The following SLC9A2 variants were observed in gnomAD, a reference collection of about 807,000 sequenced individuals.
SLC9A2 encodes solute carrier family 9 member A2.
In SLC9A2, 42 loss-of-function variants were observed where a neutral mutation model predicts 71.7. That is an observed-to-expected ratio of 0.59 (90% CI 0.46 to 0.76). The LOEUF is 0.76. SLC9A2 is among the 30% of genes least tolerant of loss of function. SLC9A2 has a pLI of 0.00. For missense variants in SLC9A2, 829 were observed against 1,017.4 expected, an observed-to-expected ratio of 0.81 and a Z score of 2.52; for synonymous variants, 396 against 392.5, an observed-to-expected ratio of 1.01 and a Z score of -0.10.
At chr2:102,636,542 C>T (rs2104504818) in intron 1 of SLC9A2, among the ~76,000 whole-genome samples, 1 of 152,250 alleles carries the variant, frequency 6.6e-6, no homozygotes, top group South Asian at 2.1e-4. Flanking sequence ...AATATGGTTC[C>T]CACACAAGGC....
intron 1 of SLC9A2, among the ~76,000 whole-genome samples, chr2:102,643,192 A>G (rs1464295987): frequency 1.3e-5 from 2 of 151,994 alleles, no homozygotes; most frequent in Non-Finnish European, 2.9e-5. Context: ...TGCGTTCTTT[A>G]CGTCGTCCTT....
At chr2:102,680,935 A>C (rs1221307256) in intron 3 of SLC9A2, among the ~76,000 whole-genome samples, 2 of 152,172 alleles carry the variant, frequency 1.3e-5, no homozygotes, top group African/African-American at 2.4e-5. Flanking sequence ...TAGAAACTAG[A>C]GAAGGCAGGG....
rs765314582 is a variant in SLC9A2, at chr2:102,694,429, C to T, written c.1441C>T (p.Pro481Ser). ...TVFILGITIR[P>S]LVEFLDVKRS... is the part of the protein sequence containing the mutation. ...TCCTGTTCAGGGAATAACTATTCGA[C>T]CACTGGTGGAGTTTCTTGATGTCAA... The change falls in exon 6 of 12, where the codon CCA becomes TCA. Residue 481 changes from proline to serine, a missense_variant. Coordinates refer to ENST00000233969, the MANE Select transcript of SLC9A2 (RefSeq NM_003048.6). 1.3e-6 allele frequency: 2 copies of T among 1,500,452 alleles called. No homozygotes were observed. Among genetic ancestry groups the T allele is most frequent in the South Asian group, 1.4e-5 (1 of 70,212 alleles). 92.9% of individuals were successfully genotyped at this position (1,500,452 alleles called of 1,614,324 possible). A position where few individuals can be genotyped will look rare whatever the true frequency, so the allele number is the denominator to read the frequency against.
chr2:102,620,203 G>A lies in SLC9A2; in HGVS notation c.289+66G>A, dbSNP rs551970465. 418 of 1,426,402 alleles carry A rather than the reference G, an allele frequency of 2.9e-4. 3 individuals are homozygous for A. In the African/African-American group the frequency reaches 5.0e-3, roughly 17 times the overall value. The allele number at this position is 1,426,402 out of a possible 1,614,324, so 88.4% of individuals were successfully genotyped here. On this transcript the variant is annotated intron_variant, in intron 1 of 11. Coordinates refer to ENST00000233969, the MANE Select transcript of SLC9A2 (RefSeq NM_003048.6). The stretch of plus-strand genomic sequence containing the variant: ...TCGGGGGGACACCTGGAGGGTGACC[G>A]GGTCAGCCAGCTGACCTCTAGATAG...
chr2:102,652,212 A>G (rs1676849068), intron 1 of SLC9A2, among the ~76,000 whole-genome samples: 1 of 152,098 alleles, frequency 6.6e-6, no homozygotes, highest in Non-Finnish European at 1.5e-5. Flanking sequence ...CCCAAATCCA[A>G]TCTCTGGTTC....
At chr2:102,626,973 A>G (rs932712058) in intron 1 of SLC9A2, among the ~76,000 whole-genome samples, 15 of 152,180 alleles carry the variant, frequency 9.9e-5, no homozygotes, top group Non-Finnish European at 2.1e-4. Context: ...AGAAGTATAC[A>G]ATGAACTGTT....
chr2:102,631,175 C>T (rs564612748), intron 1 of SLC9A2, among the ~76,000 whole-genome samples: 39 of 152,132 alleles, frequency 2.6e-4, no homozygotes, highest in African/African-American at 9.2e-4. Context: ...GACTTAATAC[C>T]TGTATGTGGT....
At chr2:102,638,720 C>T (rs112101765) in intron 1 of SLC9A2, among the ~76,000 whole-genome samples, 16 of 152,304 alleles carry the variant, frequency 1.1e-4, no homozygotes, top group South Asian at 8.3e-4. Flanking sequence ...TGAGTCTGGG[C>T]GCAGTGGCTT....
intron 3 of SLC9A2, among the ~76,000 whole-genome samples, chr2:102,681,878 G>A (rs1677458073): frequency 6.6e-6 from 1 of 152,204 alleles, no homozygotes; most frequent in South Asian, 2.1e-4. Context: ...TACTTGCAAT[G>A]AGACGTGTTC....
rs543020919 is a variant in SLC9A2, at chr2:102,701,071, T to C, written c.1588T>C (p.Phe530Leu). The change falls in exon 8 of 12, where the codon TTT (phenylalanine) becomes CTT (leucine). Residue 530 changes from phenylalanine to leucine, a missense_variant and splice_region_variant. By Grantham distance (22) the Phe-to-Leu change is conservative. Around this residue, in one of 3 missense-constraint regions of SLC9A2, gnomAD observed 500 missense variants for 726.3 expected, o/e 0.69. Coordinates refer to ENST00000233969, the MANE Select transcript of SLC9A2 (RefSeq NM_003048.6). ...TATTGAAAGTTTCTTTATTTACAGG[T>C]TTAAGAAGTTTGATGATAAATATCT... Reference protein sequence around the residue: ...HWGHNFWRDKFKKFDDKYLRK... With the variant: ...HWGHNFWRDKLKKFDDKYLRK... 9 of 1,593,360 alleles carry C rather than the reference T, an allele frequency of 5.6e-6. No individual in the cohort carries two copies. In the African/African-American group the frequency reaches 1.1e-4, roughly 19 times the overall value.
intron 5 of SLC9A2, among the ~76,000 whole-genome samples, chr2:102,691,017 C>T (rs966089852): frequency 5.3e-5 from 8 of 149,620 alleles, no homozygotes; most frequent in South Asian, 2.1e-4. Context: ...ACACTCACAT[C>T]GCAGTTGTAT....
At chr2:102,686,021 T>C (rs1677539890) in intron 5 of SLC9A2, among the ~76,000 whole-genome samples, 1 of 152,176 alleles carries the variant, frequency 6.6e-6, no homozygotes, top group Non-Finnish European at 1.5e-5. Context: ...GAACTAAGAA[T>C]GAGCGATCGG....
At chr2:102,626,034 C>A (rs1459412038) in intron 1 of SLC9A2, among the ~76,000 whole-genome samples, 1 of 152,150 alleles carries the variant, frequency 6.6e-6, no homozygotes, top group South Asian at 2.1e-4. Flanking sequence ...GAGATGATAG[C>A]TCATTGTGGT....
At chr2:102,644,429 C>G (rs536407083) in intron 1 of SLC9A2, among the ~76,000 whole-genome samples, 16 of 152,136 alleles carry the variant, frequency 1.1e-4, no homozygotes, top group South Asian at 2.1e-4. Flanking sequence ...GAGGCTCCCC[C>G]CCGCCCAGTG....
At chr2:102,637,009 G>A (rs1676480121) in intron 1 of SLC9A2, among the ~76,000 whole-genome samples, 3 of 152,170 alleles carry the variant, frequency 2.0e-5, no homozygotes, top group African/African-American at 7.2e-5. Context: ...AGGGTTGGAA[G>A]AAAGGAAGAA....
chr2:102,695,771 A>ATATATATTATATATATATTATATATATAT (rs1558723196), intron 7 of SLC9A2, among the ~76,000 whole-genome samples: 2 of 26,834 alleles, frequency 7.5e-5, no homozygotes, highest in East Asian at 8.4e-3. Context: ...TATATATATA[A>ATATATATTATATATATATTATATATATAT]TATATATTAT....
intron 3 of SLC9A2, among the ~76,000 whole-genome samples, chr2:102,678,353 G>A (rs1424587721): frequency 1.3e-5 from 2 of 150,546 alleles, no homozygotes; most frequent in Non-Finnish European, 2.9e-5. Flanking sequence ...GAGAGAGAGA[G>A]ACATGCATGA....
At chr2:102,704,020 GT>G (rs1677924918) in intron 9 of SLC9A2, among the ~76,000 whole-genome samples, 1 of 152,192 alleles carries the variant, frequency 6.6e-6, no homozygotes, top group African/African-American at 2.4e-5. Context: ...ATGGTGGCTT[GT>G]ATTTTATTTC....
chr2:102,701,322 T>A, intron 8 of SLC9A2, 91 bp downstream of exon 8: 1 of 1,017,082 alleles, frequency 9.8e-7, no homozygotes, highest in Non-Finnish European at 1.4e-6. Context: ...AAAAAATTAT[T>A]ATTAATTGAT....
Sources: gnomAD v4.1 joint callset for allele counts (sites outside exome capture counted in the v4.1 genomes callset) on GRCh38, gnomAD v4.1.1 for gene constraint, gnomAD v4.1.1 regional missense constraint, MANE v1.5 for transcripts, NCBI Gene and HGNC (gene_info 2026-07-23, HGNC 2026-07-21) for gene names.